The following NT5DC4 variants were observed in gnomAD, a reference collection of about 807,000 sequenced individuals.
The protein encoded by NT5DC4 is 5'-nucleotidase domain-containing protein 4.
Under a neutral mutation model 26.6 loss-of-function variants are expected in NT5DC4, and 44 were observed. The ratio of observed to expected loss-of-function variants is 1.65; its 90% CI spans 1.30 to 2.13. NT5DC4 has a LOEUF of 2.13. Among genes scored for constraint, NT5DC4 ranks in the 30% most tolerant of loss-of-function variants. NT5DC4 has a pLI of 0.00. For missense variants in NT5DC4, 399 were observed against 228.1 expected, an observed-to-expected ratio of 1.75 and a Z score of -4.83; for synonymous variants, 157 against 86.7, an observed-to-expected ratio of 1.81 and a Z score of -4.51.
At chr2:112,738,586 T>C in intron 16 of NT5DC4, 1 of 520,494 alleles carries the variant, frequency 1.9e-6, no homozygotes, top group East Asian at 3.2e-5. Flanking sequence ...GGGTAAATAT[T>C]CAAAAGTTTG....
In NT5DC4 at chr2:112,723,103, G is replaced by A. The variant is rs1422717289; in HGVS notation, c.550G>A (p.Gly184Arg). 1 of 716,842 alleles carries A rather than the reference G, an allele frequency of 1.4e-6. No individual in the cohort carries two copies. The highest frequency in any genetic ancestry group is 2.6e-6 in the Non-Finnish European group (1 of 384,818). 44.4% of individuals were successfully genotyped at this position (716,842 alleles called of 1,614,324 possible). A position where few individuals can be genotyped will look rare whatever the true frequency, so the allele number is the denominator to read the frequency against. ...CAGTTGTGACACCGGCTATCAGCAT[G>A]GGAACCTCTTCATGTCCTTCCGAAG... Reference protein sequence around the residue: ...YTNCDTGYQHGNLFMSFRSLF... With the variant: ...YTNCDTGYQHRNLFMSFRSLF... The change falls in exon 7 of 17, where the codon GGG becomes AGG. Residue 184 changes from glycine to arginine, a missense_variant. Coordinates refer to ENST00000688554, the MANE Select transcript of NT5DC4 (RefSeq NM_001393655.1).
At chr2:112,734,525 A>G (rs1056667434) in intron 16 of NT5DC4, among the ~76,000 whole-genome samples, 3 of 152,200 alleles carry the variant, frequency 2.0e-5, no homozygotes, top group Non-Finnish European at 2.9e-5. Flanking sequence ...CTGGGAAATG[A>G]TGCCTCACTG....
At chr2:112,741,453 G>A (rs531227825), downstream of NT5DC4, among the ~76,000 whole-genome samples, 2 of 152,214 alleles carry the variant, frequency 1.3e-5, no homozygotes, top group East Asian at 1.9e-4. Context: ...TGGACAGTGG[G>A]CAAAAACTGT....
chr2:112,741,940 G>GTT (rs57634251), downstream of NT5DC4, among the ~76,000 whole-genome samples: 74 of 71,908 alleles, frequency 1.0e-3, no homozygotes, highest in East Asian at 1.7e-3. Context: ...TTTCTTTTCT[G>GTT]TTTTTTTTTT....
At chr2:112,741,938 CTGTT>C (rs1679998171), downstream of NT5DC4, among the ~76,000 whole-genome samples, 2 of 96,002 alleles carry the variant, frequency 2.1e-5, no homozygotes, top group African/African-American at 4.1e-5. Context: ...TTTTTCTTTT[CTGTT>C]TTTTTTTTTT....
chr2:112,719,924 C>T (rs1383493147), upstream of NT5DC4, among the ~76,000 whole-genome samples: 256 of 69,124 alleles, frequency 3.7e-3, 3 homozygotes, highest in African/African-American at 0.011. Context: ...TTCTTTCTTT[C>T]TCTTTCTTTC....
intron 16 of NT5DC4, among the ~76,000 whole-genome samples, chr2:112,736,136 AG>A (rs1488698854): frequency 1.3e-5 from 2 of 152,118 alleles, no homozygotes; most frequent in African/African-American, 4.8e-5. Context: ...ATGGCACTGC[AG>A]GATCGATCAT....
chr2:112,737,243 ATACT>A (rs1318069372), intron 16 of NT5DC4: 1 of 152,128 alleles, frequency 6.6e-6, no homozygotes, highest in Non-Finnish European at 1.5e-5. Context: ...CTTTGGGTAC[ATACT>A]TACTCAGAAG....
chr2:112,729,328 C>T (rs892037503), intron 15 of NT5DC4, among the ~76,000 whole-genome samples: 1 of 152,210 alleles, frequency 6.6e-6, no homozygotes, highest in Non-Finnish European at 1.5e-5. Context: ...CACCATGTTG[C>T]CCAGGCTGGT....
chr2:112,737,687 T>G (rs1224253581), intron 16 of NT5DC4: 2 of 152,188 alleles, frequency 1.3e-5, no homozygotes, highest in African/African-American at 4.8e-5. Flanking sequence ...ATAGATCTGC[T>G]TCCCTTAAAA....
chr2:112,724,635 G>C (rs1677442181), intron 10 of NT5DC4, 146 bp from the exon 11 acceptor site: 1 of 618,842 alleles, frequency 1.6e-6, no homozygotes, highest in African/African-American at 1.8e-5. Context: ...GGGGAAGCTG[G>C]GCAGCGAGAC....
At chr2:112,739,105 T>C (rs1679655392), downstream of NT5DC4, 5 of 1,313,816 alleles carry the variant, frequency 3.8e-6, no homozygotes, top group Non-Finnish European at 4.3e-6. Context: ...ATTATCTTTA[T>C]TATTTTTTGT....
At chr2:112,742,797 A>T, downstream of NT5DC4, 1 of 1,556,544 alleles carries the variant, frequency 6.4e-7, no homozygotes, top group Non-Finnish European at 8.7e-7. Flanking sequence ...AACATACAAA[A>T]TCTTAAAAAC....
chr2:112,740,732 AG>A (rs1679878177), downstream of NT5DC4: 2 of 1,096,588 alleles, frequency 1.8e-6, no homozygotes, highest in Admixed American at 2.0e-5. Context: ...GTCAGGTCTC[AG>A]TTACTCTAGA....
upstream of NT5DC4, among the ~76,000 whole-genome samples, chr2:112,719,868 T>TCCC (rs1676665452): frequency 6.6e-5 from 3 of 45,194 alleles, no homozygotes; most frequent in Non-Finnish European, 1.7e-4. Context: ...CCCTCCCTCC[T>TCCC]TTCTTTCTCT....
upstream of NT5DC4, among the ~76,000 whole-genome samples, chr2:112,720,904 C>T (rs544067879): frequency 2.3e-4 from 35 of 152,330 alleles, no homozygotes; most frequent in African/African-American, 7.2e-4. Context: ...GATACCAGAG[C>T]CTGTCCTGGC....
chr2:112,740,734 T>C (rs1558752716), downstream of NT5DC4: 2 of 1,125,904 alleles, frequency 1.8e-6, no homozygotes, highest in Non-Finnish European at 2.6e-6. Flanking sequence ...CAGGTCTCAG[T>C]TACTCTAGAT....
chr2:112,735,379 G>C (rs1243041265), intron 16 of NT5DC4, among the ~76,000 whole-genome samples: 1 of 152,086 alleles, frequency 6.6e-6, no homozygotes, highest in Non-Finnish European at 1.5e-5. Flanking sequence ...AAAAGACTCA[G>C]CCGAGTGCCT....
chr2:112,729,939 TTTAAA>T (rs1231464174), intron 16 of NT5DC4, among the ~76,000 whole-genome samples: 6 of 152,266 alleles, frequency 3.9e-5, no homozygotes, highest in Non-Finnish European at 7.3e-5. Flanking sequence ...ATCTTGATAC[TTTAAA>T]TTATAGAGAT....
Sources: allele counts gnomAD v4.1 joint callset (sites outside exome capture counted in the v4.1 genomes callset), GRCh38; gene constraint gnomAD v4.1.1; transcripts MANE v1.5; gene names NCBI Gene and HGNC (gene_info 2026-07-23, HGNC 2026-07-21).